PDE4D: variants seen among roughly 807,000 people sequenced by gnomAD.
PDE4D encodes the protein 3',5'-cyclic-AMP phosphodiesterase 4D.
In PDE4D, 24 loss-of-function variants were observed where a neutral mutation model predicts 87.4. That is an observed-to-expected ratio of 0.27 (90% CI 0.20 to 0.39). The LOEUF is 0.39. Among genes scored for constraint, PDE4D ranks in the 10% least tolerant of loss-of-function variants. The probability of loss-of-function intolerance (pLI) is 1.00; values close to 1 mark genes in which losing one functional copy is unlikely to be tolerated. For missense variants in PDE4D, 714 were observed against 1,041.0 expected (o/e 0.69, Z 4.32); for synonymous variants, 384 against 383.2 (o/e 1.00, Z -0.02).
intron 1 of PDE4D, among the ~76,000 whole-genome samples, chr5:59,555,443 T>G (rs181143071): frequency 6.6e-6 from 1 of 151,818 alleles, no homozygotes; most frequent in Non-Finnish European, 1.5e-5. Context: ...CAAACCCCCA[T>G]GACAGGAGCT....
At chr5:59,954,537 G>A (rs544741506) in intron 3 of PDE4D, among the ~76,000 whole-genome samples, 1 of 152,234 alleles carries the variant, frequency 6.6e-6, no homozygotes, top group Non-Finnish European at 1.5e-5. Context: ...AGTCAGAAAT[G>A]GCCGTTATTA....
intron 1 of PDE4D, among the ~76,000 whole-genome samples, chr5:59,831,669 A>G (rs1217665851): frequency 6.6e-6 from 1 of 152,102 alleles, no homozygotes; most frequent in Non-Finnish European, 1.5e-5. Context: ...TTGATTCTAC[A>G]GCTCTTGGAT....
At chr5:60,111,680 A>G (rs796158832) in intron 2 of PDE4D, among the ~76,000 whole-genome samples, 8 of 152,048 alleles carry the variant, frequency 5.3e-5, no homozygotes, top group African/African-American at 1.9e-4. Flanking sequence ...ATTTTTCCAG[A>G]TGGGTATATC....
At chr5:59,828,654 G>A (rs1770612691) in intron 1 of PDE4D, among the ~76,000 whole-genome samples, 1 of 152,008 alleles carries the variant, frequency 6.6e-6, no homozygotes, top group African/African-American at 2.4e-5. Context: ...GCAGGTACTG[G>A]CAAACCTCAG....
chr5:59,974,970 C>T (rs573364519), intron 3 of PDE4D, among the ~76,000 whole-genome samples: 97 of 152,284 alleles, frequency 6.4e-4, no homozygotes, highest in African/African-American at 2.3e-3. Flanking sequence ...ATGTCACTTC[C>T]CTGTGGTGGA....
At chr5:60,275,028 T>G (rs1160990021) in intron 1 of PDE4D, among the ~76,000 whole-genome samples, 2 of 152,082 alleles carry the variant, frequency 1.3e-5, no homozygotes, top group African/African-American at 2.4e-5. Flanking sequence ...CTTGAAGGAG[T>G]TGTTAAAACA....
At chr5:59,675,597 AG>A (rs1747935077) in intron 1 of PDE4D, among the ~76,000 whole-genome samples, 2 of 152,208 alleles carry the variant, frequency 1.3e-5, no homozygotes, top group Non-Finnish European at 2.9e-5. Flanking sequence ...GTGAATGTGG[AG>A]ATGCTCTTGG....
At chr5:60,447,785 A>G (rs1037017088) in intron 1 of PDE4D, among the ~76,000 whole-genome samples, 3 of 152,170 alleles carry the variant, frequency 2.0e-5, no homozygotes, top group Non-Finnish European at 2.9e-5. Context: ...ACACCAAGCT[A>G]CAGGATCCAG....
chr5:59,146,990 A>G (rs1477634206), intron 5 of PDE4D, among the ~76,000 whole-genome samples: 2 of 152,164 alleles, frequency 1.3e-5, no homozygotes, highest in Non-Finnish European at 2.9e-5. Flanking sequence ...CCTGAGCTTT[A>G]TCTCCTGTCA....
chr5:59,120,115 G>T (rs1219210806), intron 5 of PDE4D, among the ~76,000 whole-genome samples: 2 of 152,134 alleles, frequency 1.3e-5, no homozygotes, highest in Non-Finnish European at 2.9e-5. Flanking sequence ...TTACAGGTGT[G>T]AGCCACCAAG....
At chr5:60,177,114 A>G (rs1783981585) in intron 2 of PDE4D, among the ~76,000 whole-genome samples, 1 of 152,082 alleles carries the variant, frequency 6.6e-6, no homozygotes, top group South Asian at 2.1e-4. Flanking sequence ...GACTCAGTAA[A>G]GTTCGGTTGC....
chr5:59,326,834 C>T (rs1463120463), intron 1 of PDE4D, among the ~76,000 whole-genome samples: 1 of 152,120 alleles, frequency 6.6e-6, no homozygotes, highest in African/African-American at 2.4e-5. Flanking sequence ...AAAAGGGCTG[C>T]ATAAGATGAT....
chr5:59,038,344 T>G (rs915925173), intron 6 of PDE4D, among the ~76,000 whole-genome samples: 4 of 152,164 alleles, frequency 2.6e-5, no homozygotes, highest in African/African-American at 9.7e-5. Flanking sequence ...ACCTTCTAAC[T>G]CTGTTAATGT....
chr5:60,460,933 C>T (rs1746885227), intron 1 of PDE4D, among the ~76,000 whole-genome samples: 2 of 151,400 alleles, frequency 1.3e-5, no homozygotes, highest in Non-Finnish European at 2.9e-5. Flanking sequence ...AATGCAGAAC[C>T]ATTTATAAAA....
intron 1 of PDE4D, among the ~76,000 whole-genome samples, chr5:59,638,749 A>C (rs184045039): frequency 6.6e-6 from 1 of 152,246 alleles, no homozygotes; most frequent in East Asian, 1.9e-4. Flanking sequence ...AATAGGACAT[A>C]GTGGATTAAG....
chr5:59,039,608 G>T, intron 5 of PDE4D: 1 of 710,138 alleles, frequency 1.4e-6, no homozygotes, highest in Non-Finnish European at 1.7e-6. Context: ...GCCCCTCTCG[G>T]CCCTCGGCGC....
In PDE4D at chr5:59,484,672, T is replaced by C. The variant is rs563694464; in HGVS notation, c.456-268704A>G. Among the ~76,000 whole-genome samples the C allele has an allele frequency of 2.6e-5, 4 of 152,308 alleles. No individual in the cohort carries two copies. The East Asian group carries it at 7.7e-4, about 29-fold the overall frequency. On this transcript the variant is annotated intron_variant, in intron 1 of 14. Coordinates refer to ENST00000340635, the MANE Select transcript of PDE4D (RefSeq NM_001104631.2). ...TTCATTCCTGTGATACCGATTTTAA[T>C]CTCACTACATTTAATTTCACTACAT...
chr5:60,068,906 C>T (rs1319984729), intron 2 of PDE4D, among the ~76,000 whole-genome samples: 2 of 152,146 alleles, frequency 1.3e-5, no homozygotes, highest in South Asian at 4.1e-4. Flanking sequence ...GTTGCCTGTG[C>T]TTTTGATGTC....
At chr5:60,412,725 G>T (rs1184485759) in intron 1 of PDE4D, among the ~76,000 whole-genome samples, 1 of 152,028 alleles carries the variant, frequency 6.6e-6, no homozygotes, top group Non-Finnish European at 1.5e-5. Flanking sequence ...AAATCATTTT[G>T]TTAAGTTTTT....
Sources: allele counts gnomAD v4.1 joint callset (sites outside exome capture counted in the v4.1 genomes callset), GRCh38; gene constraint gnomAD v4.1.1; transcripts MANE v1.5; gene names NCBI Gene and HGNC (gene_info 2026-07-23, HGNC 2026-07-21).